HGFAC: variants seen among roughly 807,000 people sequenced by gnomAD.
HGFAC encodes HGF activator, also known as hepatocyte growth factor activator serine protease.
HGFAC carries 76 observed loss-of-function variants against 70.6 expected under a neutral mutation model. That is an observed-to-expected ratio of 1.08 (90% CI 0.89 to 1.30). HGFAC has a LOEUF of 1.30. Ranked by LOEUF, HGFAC falls within the 50% of genes most tolerant of loss-of-function variation. HGFAC has a pLI of 0.00. For synonymous variants in HGFAC, 464 were observed against 405.3 expected (o/e 1.14, Z -1.74); for missense variants, 1,044 against 933.7 (o/e 1.12, Z -1.54).
At chr4:3,448,349 C>T (rs1725604859) in intron 13 of HGFAC, 73 bp downstream of exon 13, 5 of 1,530,944 alleles carry the variant, frequency 3.3e-6, no homozygotes, top group Non-Finnish European at 4.4e-6. Context: ...GAGATGCTTG[C>T]CCCTGGGGAG....
intron 13 of HGFAC, 83 bp downstream of exon 13, chr4:3,448,359 G>T (rs951849356): frequency 2.7e-6 from 4 of 1,501,930 alleles, no homozygotes; most frequent in Admixed American, 4.0e-5. Flanking sequence ...CCCCTGGGGA[G>T]CCCAGAGCCT....
At position 3,447,876 on chromosome 4, in the gene HGFAC, T is replaced by C; in HGVS notation, c.1496-19T>C. 6.2e-7 allele frequency: 1 copy of C among 1,606,434 alleles called. No homozygotes were observed. Among genetic ancestry groups the C allele is most frequent in the Non-Finnish European group, 8.5e-7 (1 of 1,175,564 alleles). ...CAGCCCGCACACCACAGGCTGACCC[T>C]GGCCACTCTTCTGATCAGTCCTGAT... is the stretch of plus-strand genomic sequence containing the variant. On this transcript the variant is annotated intron_variant, in intron 11 of 13. Coordinates refer to ENST00000382774, the MANE Select transcript of HGFAC (RefSeq NM_001528.4).
At chr4:3,445,831 GC>G in intron 9 of HGFAC, 1 of 1,512,508 alleles carries the variant, frequency 6.6e-7, no homozygotes, top group Non-Finnish European at 8.9e-7. Flanking sequence ...AGCCCCTCTG[GC>G]CCTCACAGAG....
At chr4:3,443,505 G>C (rs1577123680) in intron 4 of HGFAC, 85 bp downstream of exon 4, 2 of 838,952 alleles carry the variant, frequency 2.4e-6, no homozygotes, top group East Asian at 6.5e-5. Flanking sequence ...GGCGGACCCG[G>C]GCAGGGGTCC....
Position 3,445,169 on chromosome 4 carries a change from C to T in HGFAC, c.1017-96C>T, listed in dbSNP as rs947640760. 1.8e-5 allele frequency: 23 copies of T among 1,306,644 alleles called. 1 individual carries two copies. Among genetic ancestry groups the T allele is most frequent in the Middle Eastern group, 3.9e-4 (2 of 5,144 alleles). 80.9% of individuals were successfully genotyped at this position (1,306,644 alleles called of 1,614,324 possible). A position where few individuals can be genotyped will look rare whatever the true frequency, so the allele number is the denominator to read the frequency against. ...CACTCTCTTCCCACTGCTCCAGGTG[C>T]GGGGAACCGCCCTGCTGGGGGTTCC... On this transcript the variant is annotated intron_variant, in intron 8 of 13. Transcript: ENST00000382774.
chr4:3,448,566 C>T (rs1464847036), intron 13 of HGFAC, among the ~76,000 whole-genome samples: 3 of 152,246 alleles, frequency 2.0e-5, no homozygotes, highest in Non-Finnish European at 2.9e-5. Flanking sequence ...CAGCCCAAGG[C>T]AGTGCTTTCC....
At chr4:3,445,747 G>A (rs1253199168) in intron 9 of HGFAC, 4 of 905,722 alleles carry the variant, frequency 4.4e-6, no homozygotes, top group Non-Finnish European at 6.7e-6. Flanking sequence ...TCTCATGTGG[G>A]GGTCTCTGAC....
Position 3,443,126 on chromosome 4 carries a change from G to A in HGFAC, c.375G>A (p.Glu125=). The change falls in exon 3 of 14, where the codon GAG becomes GAA. Residue 125 remains glutamate (E), a synonymous_variant. Coordinates refer to ENST00000382774, the MANE Select transcript of HGFAC (RefSeq NM_001528.4). ...GCATGCTGCATGCCTGCACTTCGGA[G>A]GGCAGTGCACACAGGAAGTGGTGGG... The part of the protein sequence containing the change: ...GGRMLHACTS[E]GSAHRKWCAT... 6.3e-7 allele frequency: 1 copy of A among 1,578,604 alleles called. No individual in the cohort carries two copies. Among genetic ancestry groups the A allele is most frequent in the Non-Finnish European group, 8.6e-7 (1 of 1,168,914 alleles).
At chr4:3,445,391 G>A (rs1225126279) in intron 9 of HGFAC, 41 bp downstream of exon 9, 2 of 1,402,976 alleles carry the variant, frequency 1.4e-6, no homozygotes, top group Non-Finnish European at 2.0e-6. Flanking sequence ...GCCCCACCGA[G>A]GTCACAGCAG....
intron 10 of HGFAC, among the ~76,000 whole-genome samples, 194 bp downstream of exon 10, chr4:3,446,488 C>G (rs1376282070): frequency 6.6e-6 from 1 of 152,164 alleles, no homozygotes; most frequent in African/African-American, 2.4e-5. Context: ...CATGGACACT[C>G]CAGAAACCCT....
At chr4:3,445,577 G>A in intron 9 of HGFAC, 1 of 606,132 alleles carries the variant, frequency 1.6e-6, no homozygotes, top group Non-Finnish European at 2.9e-6. Context: ...ACGGCCTCGG[G>A]GTGGCACCTG....
chr4:3,449,377 C>A lies in HGFAC; in HGVS notation c.1926C>A (p.Asn642Lys), dbSNP rs150297164. 5 of 1,590,872 alleles carry A rather than the reference C, an allele frequency of 3.1e-6. No individual in the cohort carries two copies. The highest frequency in any genetic ancestry group is 4.3e-6 in the Non-Finnish European group (5 of 1,166,472). Residue 642 changes from asparagine (N) to lysine (K), a missense_variant, in exon 14 of 14, where the codon AAC becomes AAA. Coordinates refer to ENST00000382774, the MANE Select transcript of HGFAC (RefSeq NM_001528.4). ...TRVANYVDWI[N>K]DRIRPPRRLV... is the part of the protein sequence containing the mutation. ...TGGCCAACTATGTGGACTGGATCAA[C>A]GACCGGATACGGCCTCCCAGGCGGC...
chr4:3,445,984 T>G, intron 9 of HGFAC, 58 bp from the exon 10 acceptor site: 1 of 1,595,954 alleles, frequency 6.3e-7, no homozygotes, highest in Non-Finnish European at 8.5e-7. Flanking sequence ...GGCCTGTGTG[T>G]GGAAGGGGGC....
rs773043801 is a variant in HGFAC at position 3,445,993 on chromosome 4, G to C, written c.1103-49G>C. 3 of 1,600,658 alleles carry C rather than the reference G, an allele frequency of 1.9e-6. No homozygotes were observed. In the East Asian group the frequency reaches 6.7e-5, roughly 36 times the overall value. On this transcript the variant is annotated intron_variant, in intron 9 of 13. Coordinates refer to ENST00000382774, the MANE Select transcript of HGFAC (RefSeq NM_001528.4). ...GGGTAGGGCCTGTGTGTGGAAGGGG[G>C]CTGGCCCTGTGAACCCCAGGGGTGT... is the stretch of plus-strand genomic sequence containing the variant.
At position 3,448,178 on chromosome 4, in the gene HGFAC, G is replaced by A. The variant is rs751059415; in HGVS notation, c.1687G>A (p.Ala563Thr). ...GCGGGAGGCCCTGGTCCCCCTGGTC[G>A]CCGACCACAAGTGCAGCAGCCCTGA... ...SLREALVPLV[A>T]DHKCSSPEVY... is the part of the protein sequence containing the mutation. Residue 563 changes from alanine (A) to threonine (T), a missense_variant, in exon 13 of 14, where the codon GCC (alanine) becomes ACC (threonine). Physicochemically the swap from Ala to Thr is moderately conservative, Grantham distance 58. Transcript: ENST00000382774. 1.1e-5 allele frequency: 17 copies of A among 1,602,048 alleles called. No individual in the cohort carries two copies. Among genetic ancestry groups the A allele is most frequent in the East Asian group, 2.2e-5 (1 of 44,482 alleles).
Position 3,443,334 on chromosome 4 carries a change from C to T in HGFAC, c.396-7C>T. The T allele has an allele frequency of 6.5e-7, 1 of 1,541,806 alleles. No individual in the cohort carries two copies. Among genetic ancestry groups the T allele is most frequent in the South Asian group, 1.2e-5 (1 of 82,998 alleles). On this transcript the variant is annotated splice_polypyrimidine_tract_variant and splice_region_variant and intron_variant, in intron 3 of 13. Transcript: ENST00000382774. ...GGACCCCCATGCACGCAGGTGTCGC[C>T]CCCCAGGTGTGCCACAACTCACAAC...
chr4:3,447,134 G>A (rs1455024204), intron 10 of HGFAC, among the ~76,000 whole-genome samples: 4 of 152,316 alleles, frequency 2.6e-5, no homozygotes, highest in African/African-American at 9.6e-5. Flanking sequence ...AATGTGGATG[G>A]AAGCTGGGGC....
intron 1 of HGFAC, among the ~76,000 whole-genome samples, 160 bp downstream of exon 1, chr4:3,442,278 G>A (rs925748847): frequency 6.6e-6 from 1 of 152,224 alleles, no homozygotes; most frequent in African/African-American, 2.4e-5. Flanking sequence ...CACAGGGCAG[G>A]TGGGTGCTGG....
chr4:3,444,794 G>A (rs145550937), intron 7 of HGFAC, 25 bp from the exon 8 acceptor site: 211 of 1,581,946 alleles, frequency 1.3e-4, no homozygotes, highest in South Asian at 1.8e-4. Context: ...ACCGTGGGCC[G>A]GCCTCACTGC....
Sources: gnomAD v4.1 joint callset for allele counts (sites outside exome capture counted in the v4.1 genomes callset) on GRCh38, gnomAD v4.1.1 for gene constraint, MANE v1.5 for transcripts, NCBI Gene and HGNC (gene_info 2026-07-23, HGNC 2026-07-21) for gene names.